Variants in PDE11A observed in about 807,000 individuals in gnomAD.
PDE11A encodes the protein phosphodiesterase 11A.
PDE11A carries 100 observed loss-of-function variants against 100.5 expected under a neutral mutation model. The observed-to-expected ratio is 1.00, with a 90% CI of 0.85 to 1.18. The LOEUF is 1.18. Ranked by LOEUF, PDE11A falls within the 50% of genes most tolerant of loss-of-function variation. The pLI is 0.00. For synonymous variants in PDE11A, 381 were observed against 420.8 expected (o/e 0.91, Z 1.16); for missense variants, 1,141 against 1,152.6 (o/e 0.99, Z 0.15).
At chr2:177,988,156 A>G (rs1177889709) in intron 2 of PDE11A, among the ~76,000 whole-genome samples, 1 of 152,190 alleles carries the variant, frequency 6.6e-6, no homozygotes, top group Non-Finnish European at 1.5e-5. Flanking sequence ...GCCTTCTATA[A>G]TTATCCTGAG....
At chr2:177,704,935 G>A (rs1164758144) in intron 13 of PDE11A, among the ~76,000 whole-genome samples, 2 of 152,056 alleles carry the variant, frequency 1.3e-5, no homozygotes, top group Admixed American at 6.6e-5. Flanking sequence ...CCACCTCCTG[G>A]GTTCAAGCGA....
At chr2:177,652,333 T>C (rs949043207) in intron 19 of PDE11A, among the ~76,000 whole-genome samples, 2 of 152,152 alleles carry the variant, frequency 1.3e-5, no homozygotes, top group African/African-American at 2.4e-5. Context: ...AGCAGAGTCC[T>C]CAAGTAAGAC....
At position 177,794,193 on chromosome 2, in the gene PDE11A, A is replaced by G. The variant is rs374837981; in HGVS notation, c.1737+22636T>C. On this transcript the variant is annotated intron_variant, in intron 9 of 19. Transcript: ENST00000286063. ...AGGGGGCACGGCAGATTTAAATAAGACTGTCTGGGAAGGTGGCACTGAATA... is the reference window on the plus strand; with the variant it reads ...AGGGGGCACGGCAGATTTAAATAAGGCTGTCTGGGAAGGTGGCACTGAATA... 3.8e-4 allele frequency among the ~76,000 whole-genome samples: 58 copies of G among 152,272 alleles called. 1 individual carries two copies. The South Asian group carries it at 0.012, about 31-fold the overall frequency.
Position 178,072,276 on chromosome 2 carries a change from A to G in PDE11A, c.162T>C (p.Ser54=). The change falls in exon 1 of 20, where the codon TCT becomes TCC. Residue 54 remains serine (S), a synonymous_variant. Transcript: ENST00000286063. ...QGQGALGPRP[S]LAGTSSLAHS... is the part of the protein sequence containing the mutation. ...GAGCCAAGCTGCTGGTACCAGCCAA[A>G]GAGGGCCTTGGACCTAAAGCCCCCT... The G allele has an allele frequency of 1.2e-6, 2 of 1,613,830 alleles. No homozygotes were observed. The highest frequency in any genetic ancestry group is 1.7e-6 in the Non-Finnish European group (2 of 1,179,820).
intron 19 of PDE11A, among the ~76,000 whole-genome samples, chr2:177,633,684 T>C (rs190513396): frequency 6.6e-6 from 1 of 152,342 alleles, no homozygotes; most frequent in African/African-American, 2.4e-5. Context: ...TTCCACTCAA[T>C]GCATAGTGTT....
chr2:177,882,102 C>G (rs904906382), intron 4 of PDE11A, among the ~76,000 whole-genome samples: 1 of 152,312 alleles, frequency 6.6e-6, no homozygotes, highest in Non-Finnish European at 1.5e-5. Flanking sequence ...TGGCAGGGGA[C>G]AGTTCCACTC....
At chr2:177,768,604 G>A (rs1025835296) in intron 10 of PDE11A, among the ~76,000 whole-genome samples, 1 of 152,178 alleles carries the variant, frequency 6.6e-6, no homozygotes, top group African/African-American at 2.4e-5. Context: ...GGAGTGCAGG[G>A]ACACAAGCAG....
intron 1 of PDE11A, among the ~76,000 whole-genome samples, chr2:178,017,059 T>C (rs2086347806): frequency 6.6e-6 from 1 of 152,258 alleles, no homozygotes. Flanking sequence ...AGAGATTTTG[T>C]CTCTCCTATT....
intron 9 of PDE11A, among the ~76,000 whole-genome samples, chr2:177,804,840 A>C (rs2082846166): frequency 6.6e-6 from 1 of 152,052 alleles, no homozygotes; most frequent in South Asian, 2.1e-4. Flanking sequence ...AGAAAAGGCA[A>C]ATAACATATG....
At chr2:177,913,670 T>G (rs2084913468) in intron 2 of PDE11A, among the ~76,000 whole-genome samples, 1 of 152,170 alleles carries the variant, frequency 6.6e-6, no homozygotes, top group Non-Finnish European at 1.5e-5. Flanking sequence ...ATACCTTCTT[T>G]TTCACTTGGC....
intron 4 of PDE11A, among the ~76,000 whole-genome samples, chr2:177,878,899 A>G (rs1017536666): frequency 1.3e-5 from 2 of 152,214 alleles, no homozygotes; most frequent in Non-Finnish European, 2.9e-5. Flanking sequence ...ATATGCCCAA[A>G]TTTGAGTAAA....
At chr2:178,048,472 A>G (rs1405802592) in intron 1 of PDE11A, among the ~76,000 whole-genome samples, 1 of 152,092 alleles carries the variant, frequency 6.6e-6, no homozygotes, top group Non-Finnish European at 1.5e-5. Context: ...ACTTCCCTTA[A>G]CCCGTCCACC....
At chr2:177,738,139 A>AT (rs3835950) in intron 10 of PDE11A, among the ~76,000 whole-genome samples, 103,552 of 151,956 alleles carry the variant, frequency 0.68, 37,827 homozygotes, top group East Asian at 0.86. Context: ...CCGGTGCTCC[A>AT]TTTTTTATAC....
intron 12 of PDE11A, among the ~76,000 whole-genome samples, chr2:177,726,103 T>C (rs2081596439): frequency 6.6e-6 from 1 of 151,880 alleles, no homozygotes; most frequent in Admixed American, 6.6e-5. Context: ...TTCCAAGCAA[T>C]GGTTGTTACT....
chr2:178,100,511 C>T (rs1483517683), intron 2 of PDE11A, among the ~76,000 whole-genome samples: 3 of 152,112 alleles, frequency 2.0e-5, no homozygotes, highest in Non-Finnish European at 4.4e-5. Context: ...TGTTTTTAGC[C>T]AAGCTGTGCT....
chr2:177,915,463 T>C (rs150854266), intron 2 of PDE11A, among the ~76,000 whole-genome samples: 95 of 152,364 alleles, frequency 6.2e-4, no homozygotes, highest in African/African-American at 2.2e-3. Flanking sequence ...CCTTTTCAGA[T>C]TGGCTTCTTT....
At chr2:177,935,398 G>T (rs570103857) in intron 2 of PDE11A, among the ~76,000 whole-genome samples, 1 of 152,316 alleles carries the variant, frequency 6.6e-6, no homozygotes, top group South Asian at 2.1e-4. Flanking sequence ...TTTAGCTGCA[G>T]TGAATGTCAT....
Position 177,627,082 on chromosome 2 carries a change from G to GGAGGGCAGT in PDE11A, c.*2316_*2324dup, listed in dbSNP as rs891240587. The GGAGGGCAGT allele has an allele frequency of 8.7e-6, 1 of 114,490 alleles. No individual in the cohort carries two copies. The highest frequency in any genetic ancestry group is 1.7e-5 in the Non-Finnish European group (1 of 59,186). 7.1% of individuals were successfully genotyped at this position (114,490 alleles called of 1,614,324 possible). ...CGGAGTCTCGCTGGTCGCCCAGGCT[G>GGAGGGCAGT]GAGGGCAGTGACGTGATCTCGACTC... On this transcript the variant is annotated 3_prime_UTR_variant, in exon 20 of 20. Coordinates refer to ENST00000286063, the MANE Select transcript of PDE11A (RefSeq NM_016953.4).
intron 1 of PDE11A, among the ~76,000 whole-genome samples, chr2:178,071,090 A>C (rs533729471): frequency 6.2e-4 from 94 of 152,356 alleles, no homozygotes; most frequent in African/African-American, 2.2e-3. Flanking sequence ...AGAATGAAGC[A>C]TTATGGTCCC....
Sources: allele counts gnomAD v4.1 joint callset (sites outside exome capture counted in the v4.1 genomes callset), GRCh38; gene constraint gnomAD v4.1.1; transcripts MANE v1.5; gene names NCBI Gene and HGNC (gene_info 2026-07-23, HGNC 2026-07-21).